The following ARHGEF28 variants were observed in gnomAD, a reference collection of about 807,000 sequenced individuals.
ARHGEF28 encodes 190 kDa guanine nucleotide exchange factor.
ARHGEF28 carries 152 observed loss-of-function variants against 206.6 expected under a neutral mutation model. That is an observed-to-expected ratio of 0.74 (90% CI 0.64 to 0.84). The LOEUF is 0.84. Ranked by LOEUF, ARHGEF28 falls within the 40% of genes least tolerant of loss-of-function variation. The pLI, the probability that ARHGEF28 is intolerant of heterozygous loss-of-function variation, is 0.00. For synonymous variants in ARHGEF28, 763 were observed against 776.4 expected (o/e 0.98, Z 0.29); for missense variants, 2,028 against 2,073.2 (o/e 0.98, Z 0.42).
At chr5:73,671,138 T>C (rs1746278206) in intron 1 of ARHGEF28, among the ~76,000 whole-genome samples, 1 of 152,254 alleles carries the variant, frequency 6.6e-6, no homozygotes, top group African/African-American at 2.4e-5. Flanking sequence ...CCATATGTTA[T>C]GAACTCATGG....
At chr5:73,869,222 T>TG (rs67692648) in intron 20 of ARHGEF28, among the ~76,000 whole-genome samples, 53,798 of 98,694 alleles carry the variant, frequency 0.55, 13,340 homozygotes, top group Middle Eastern at 0.6. Flanking sequence ...GTGTGTGGGG[T>TG]GGAGGGGGGT....
chr5:73,820,102 G>A (rs11949468), intron 9 of ARHGEF28, among the ~76,000 whole-genome samples: 28,094 of 152,034 alleles, frequency 0.18, 3,058 homozygotes, highest in African/African-American at 0.3. Context: ...AAAGTGCCTC[G>A]TGGCACAAAT....
chr5:73,903,961 C>T, intron 31 of ARHGEF28: 2 of 508,510 alleles, frequency 3.9e-6, no homozygotes, highest in South Asian at 2.8e-5. Context: ...ACTGTCATCC[C>T]TTGTTGTTTT....
At chr5:73,893,173 T>G (rs940800949) in intron 27 of ARHGEF28, 24 bp from the exon 28 acceptor site, 1 of 1,519,024 alleles carries the variant, frequency 6.6e-7, no homozygotes, top group African/African-American at 1.4e-5. Context: ...TTCAGTTGTG[T>G]CTCTTGACTA....
intron 35 of ARHGEF28, among the ~76,000 whole-genome samples, chr5:73,934,124 GTTGT>G (rs1218946729): frequency 6.6e-6 from 1 of 152,116 alleles, no homozygotes; most frequent in Non-Finnish European, 1.5e-5. Context: ...TAAGAACTGT[GTTGT>G]TTATCTGTGG....
intron 14 of ARHGEF28, among the ~76,000 whole-genome samples, chr5:73,854,173 T>C (rs1176639133): frequency 6.6e-6 from 1 of 152,170 alleles, no homozygotes; most frequent in Non-Finnish European, 1.5e-5. Flanking sequence ...TCTTATCTTG[T>C]TGGATATGCC....
At chr5:73,632,205 G>A (rs1290660295) in intron 1 of ARHGEF28, among the ~76,000 whole-genome samples, 1 of 152,152 alleles carries the variant, frequency 6.6e-6, no homozygotes, top group African/African-American at 2.4e-5. Flanking sequence ...GAAAACACTG[G>A]GGTACAGGGG....
intron 33 of ARHGEF28, among the ~76,000 whole-genome samples, chr5:73,907,264 C>T (rs1762607666): frequency 6.6e-6 from 1 of 152,168 alleles, no homozygotes. Context: ...GCTAGTGTTG[C>T]CGGATGAAAA....
chr5:73,807,419 A>C (rs1755575891), intron 9 of ARHGEF28, among the ~76,000 whole-genome samples: 1 of 151,908 alleles, frequency 6.6e-6, no homozygotes, highest in African/African-American at 2.4e-5. Flanking sequence ...TTTTCTTAAG[A>C]TATTCATCTA....
intron 1 of ARHGEF28, among the ~76,000 whole-genome samples, chr5:73,646,750 A>G (rs1043575227): frequency 2.0e-4 from 31 of 152,182 alleles, no homozygotes; most frequent in African/African-American, 7.5e-4. Context: ...ACTAGAATAT[A>G]ATTTAGGTTC....
chr5:73,785,916 G>A (rs1177870459), intron 7 of ARHGEF28, among the ~76,000 whole-genome samples: 1 of 152,110 alleles, frequency 6.6e-6, no homozygotes, highest in Non-Finnish European at 1.5e-5. Flanking sequence ...GTGGGAGGCA[G>A]AAGAGGCTGT....
intron 2 of ARHGEF28, among the ~76,000 whole-genome samples, chr5:73,734,096 C>A (rs760044254): frequency 3.0e-4 from 46 of 152,118 alleles, no homozygotes; most frequent in Non-Finnish European, 6.3e-4. Context: ...CAGGCCCCAC[C>A]CCCAACACTG....
intron 2 of ARHGEF28, among the ~76,000 whole-genome samples, chr5:73,742,693 G>A (rs1025958160): frequency 3.8e-4 from 57 of 150,550 alleles, no homozygotes; most frequent in Middle Eastern, 6.8e-3. Context: ...GCGCGGTGGC[G>A]GGCGCCTGTA....
intron 12 of ARHGEF28, 56 bp from the exon 13 acceptor site, chr5:73,848,920 T>A: frequency 8.1e-7 from 1 of 1,240,570 alleles, no homozygotes; most frequent in Non-Finnish European, 1.1e-6. Flanking sequence ...AGGTGGTGAA[T>A]ATATATTTTC....
chr5:73,912,713 C>T (rs1413521395), intron 35 of ARHGEF28, among the ~76,000 whole-genome samples: 1 of 152,138 alleles, frequency 6.6e-6, no homozygotes, highest in Non-Finnish European at 1.5e-5. Flanking sequence ...TGGAATCGTT[C>T]AGATTAAATA....
chr5:73,863,719 T>C (rs1759536762), intron 16 of ARHGEF28, among the ~76,000 whole-genome samples: 1 of 151,392 alleles, frequency 6.6e-6, no homozygotes, highest in African/African-American at 2.4e-5. Context: ...CTTCTTCTGG[T>C]GGGTTGTTGG....
chr5:73,911,032 T>C (rs1580088791), intron 34 of ARHGEF28, among the ~76,000 whole-genome samples: 1 of 152,246 alleles, frequency 6.6e-6, no homozygotes, highest in East Asian at 1.9e-4. Flanking sequence ...GGAAACACTT[T>C]AATGTCATAG....
chr5:73,770,241 T>C (rs1203504249), intron 4 of ARHGEF28, among the ~76,000 whole-genome samples: 6 of 152,192 alleles, frequency 3.9e-5, no homozygotes, highest in African/African-American at 1.2e-4. Context: ...TGGATCTTTA[T>C]TGTGACAGAC....
At chr5:73,709,261 G>A (rs1749110698) in intron 2 of ARHGEF28, among the ~76,000 whole-genome samples, 1 of 152,132 alleles carries the variant, frequency 6.6e-6, no homozygotes, top group African/African-American at 2.4e-5. Flanking sequence ...TGTGGCAAAT[G>A]TACAGTGTTG....
Sources: allele counts gnomAD v4.1 joint callset (sites outside exome capture counted in the v4.1 genomes callset), GRCh38; gene constraint gnomAD v4.1.1; transcripts MANE v1.5; gene names NCBI Gene and HGNC (gene_info 2026-07-23, HGNC 2026-07-21).